CHD7: variants seen among roughly 807,000 people sequenced by gnomAD.
The protein encoded by CHD7 is ATP-dependent chromatin remodeler CHD7.
A neutral mutation model predicts 307.3 loss-of-function variants in CHD7; 24 were observed. The observed-to-expected ratio is 0.08, with a 90% CI of 0.06 to 0.11. The LOEUF (loss-of-function observed/expected upper bound fraction) is 0.11. Among genes scored for constraint, CHD7 ranks in the 10% least tolerant of loss-of-function variants. The pLI is 1.00. For missense variants in CHD7, 3,106 were observed against 3,727.1 expected, an observed-to-expected ratio of 0.83 and a Z score of 4.34; for synonymous variants, 1,363 against 1,349.9, an observed-to-expected ratio of 1.01 and a Z score of -0.21.
At chr8:60,759,140 G>C (rs1175323325) in intron 2 of CHD7, among the ~76,000 whole-genome samples, 2 of 151,740 alleles carry the variant, frequency 1.3e-5, no homozygotes, top group Non-Finnish European at 2.9e-5. Context: ...CTGGTTTAAA[G>C]GGAAGTTACA....
chr8:60,843,332 C>G (rs537081711), intron 21 of CHD7, among the ~76,000 whole-genome samples: 1 of 152,340 alleles, frequency 6.6e-6, no homozygotes, highest in South Asian at 2.1e-4. Context: ...CCTTTGCTAC[C>G]CATGCCTGCT....
chr8:60,683,844 G>T (rs1363069693), intron 1 of CHD7, among the ~76,000 whole-genome samples: 1 of 151,830 alleles, frequency 6.6e-6, no homozygotes, highest in African/African-American at 2.4e-5. Flanking sequence ...GAATCCTACA[G>T]CATAGGACAA....
chr8:60,792,442 T>G (rs1165733402), intron 3 of CHD7, among the ~76,000 whole-genome samples: 1 of 152,168 alleles, frequency 6.6e-6, no homozygotes, highest in African/African-American at 2.4e-5. Flanking sequence ...TGTATATTGA[T>G]GGATGGAAAT....
chr8:60,827,443 A>T (rs1369073851), intron 13 of CHD7, among the ~76,000 whole-genome samples: 4 of 152,164 alleles, frequency 2.6e-5, no homozygotes, highest in Admixed American at 2.0e-4. Context: ...CTCTTTCCTG[A>T]ATATGTGATG....
intron 2 of CHD7, among the ~76,000 whole-genome samples, chr8:60,753,035 A>G (rs1485835589): frequency 6.6e-6 from 1 of 152,242 alleles, no homozygotes; most frequent in Non-Finnish European, 1.5e-5. Context: ...TTACTAAGCT[A>G]ACTCCATTTT....
At chr8:60,740,994 G>A (rs1808970603) in intron 1 of CHD7, among the ~76,000 whole-genome samples, 1 of 152,222 alleles carries the variant, frequency 6.6e-6, no homozygotes, top group South Asian at 2.1e-4. Context: ...GGAACGCTAG[G>A]AAGTGTAGTG....
chr8:60,714,164 C>T (rs996899684), intron 1 of CHD7, among the ~76,000 whole-genome samples: 5 of 151,856 alleles, frequency 3.3e-5, no homozygotes, highest in Non-Finnish European at 7.4e-5. Flanking sequence ...GACATGAGGA[C>T]GGCGAGCGGG....
chr8:60,829,176 C>T (rs1804387913), intron 14 of CHD7, among the ~76,000 whole-genome samples: 1 of 152,224 alleles, frequency 6.6e-6, no homozygotes, highest in African/African-American at 2.4e-5. Flanking sequence ...TTTTGAGTCT[C>T]TGTTCTTTGT....
chr8:60,694,692 G>A (rs190902385), intron 1 of CHD7, among the ~76,000 whole-genome samples: 3 of 152,294 alleles, frequency 2.0e-5, no homozygotes, highest in Admixed American at 2.0e-4. Context: ...TGGCCCCCAG[G>A]GAGAGCAACA....
chr8:60,731,206 G>A (rs1027762041), intron 1 of CHD7, among the ~76,000 whole-genome samples: 1 of 83,856 alleles, frequency 1.2e-5, no homozygotes, highest in African/African-American at 4.9e-5. Context: ...TAAATGAAAA[G>A]GTAAAAGCTC....
At position 60,853,308 on chromosome 8, in the gene CHD7, G is replaced by C. The variant is rs778997142; in HGVS notation, c.6583G>C (p.Glu2195Gln). 1 of 1,604,952 alleles carries C rather than the reference G, an allele frequency of 6.2e-7. No homozygotes were observed. ...ATGTGAGGGCAAAGAAGAGGAAGAA[G>C]AAACCGATGGCAGCGGGAAGGAGAG... ...EKCEGKEEEE[E>Q]TDGSGKESKQ... Residue 2195 changes from glutamate to glutamine, a missense_variant, in exon 31 of 38, where the codon GAA becomes CAA. Glu to Gln is a conservative substitution (Grantham distance 29). Coordinates refer to ENST00000423902, the MANE Select transcript of CHD7 (RefSeq NM_017780.4).
In CHD7 at chr8:60,825,704, G is replaced by T. The variant is rs549327556; in HGVS notation, c.3378+1688G>T. Among the ~76,000 whole-genome samples the T allele has an allele frequency of 3.9e-5, 6 of 152,316 alleles. No homozygotes were observed. The South Asian group carries it at 1.2e-3, about 32-fold the overall frequency. ...TTCCTGAAGGCTTAAACAGTCATCT[G>T]ACTGAACTTATCTGAGTTGTGTTCT... On this transcript the variant is annotated intron_variant, in intron 13 of 37. Coordinates refer to ENST00000423902, the MANE Select transcript of CHD7 (RefSeq NM_017780.4).
At chr8:60,803,231 G>A (rs964567483) in intron 6 of CHD7, among the ~76,000 whole-genome samples, 2 of 152,156 alleles carry the variant, frequency 1.3e-5, no homozygotes. Flanking sequence ...TGAGTAAATA[G>A]CATGTCGTTT....
rs1173281816 is a variant in CHD7, at chr8:60,781,330, A to G, written c.1996A>G (p.Lys666Glu). ...PKEPKEKKEP[K>E]EPKTPKAPKI... is the part of the protein sequence containing the mutation. ...AGAACCCAAGGAGAAAAAAGAGCCC[A>G]AGGAACCCAAGACCCCGAAAGCCCC... Residue 666 changes from lysine (K) to glutamate (E), a missense_variant, in exon 3 of 38, where the codon AAG becomes GAG. Around this residue, in one of 10 missense-constraint regions of CHD7, gnomAD observed 998 missense variants for 1,004.5 expected, o/e 0.99. Coordinates refer to ENST00000423902, the MANE Select transcript of CHD7 (RefSeq NM_017780.4). The G allele has an allele frequency of 6.4e-7, 1 of 1,573,392 alleles. No individual in the cohort carries two copies. Among genetic ancestry groups the G allele is most frequent in the Non-Finnish European group, 8.6e-7 (1 of 1,160,868 alleles).
At position 60,853,092 on chromosome 8, in the gene CHD7, T is replaced by A; in HGVS notation, c.6367T>A (p.Ser2123Thr). The A allele has an allele frequency of 6.2e-7, 1 of 1,613,990 alleles. No individual in the cohort carries two copies. The highest frequency in any genetic ancestry group is 1.3e-5 in the African/African-American group (1 of 75,046). ...DYHILNDPEL[S>T]FLDAHKNFAQ... ...TCACATCCTCAATGACCCTGAGTTA[T>A]CCTTCTTGGATGCACATAAAAACTT... Residue 2123 changes from serine to threonine, a missense_variant, in exon 31 of 38, where the codon TCC becomes ACC. This residue lies in a region of CHD7 where 1,030 missense variants were observed against 1,165.4 expected (regional missense o/e 0.88). Transcript: ENST00000423902.
chr8:60,834,902 C>A (rs1465125952), intron 15 of CHD7, among the ~76,000 whole-genome samples: 1 of 152,134 alleles, frequency 6.6e-6, no homozygotes, highest in Non-Finnish European at 1.5e-5. Flanking sequence ...TCCCACTGAC[C>A]CAACCTTTAA....
chr8:60,836,825 A>G lies in CHD7; in HGVS notation c.3998A>G (p.Tyr1333Cys), dbSNP rs1563644012. 3.1e-6 allele frequency: 5 copies of G among 1,613,708 alleles called. No homozygotes were observed. The highest frequency in any genetic ancestry group is 4.2e-6 in the Non-Finnish European group (5 of 1,179,688). ...ACACTGATGTTTTCTAGGTACCCAT[A>G]TGAAAGGATCGACGGCCGAGTAAGA... ...EDYLIQRRYP[Y>C]ERIDGRVRGN... Residue 1333 changes from tyrosine (Y) to cysteine (C), a missense_variant, in exon 17 of 38, where the codon TAT (tyrosine) becomes TGT (cysteine). Tyr to Cys is a radical substitution (Grantham distance 194, BLOSUM62 -2). Around this residue, in one of 10 missense-constraint regions of CHD7, gnomAD observed 232 missense variants for 422.5 expected, o/e 0.55. Coordinates refer to ENST00000423902, the MANE Select transcript of CHD7 (RefSeq NM_017780.4).
intron 1 of CHD7, among the ~76,000 whole-genome samples, chr8:60,686,023 A>G (rs1805870769): frequency 6.6e-6 from 1 of 152,102 alleles, no homozygotes; most frequent in African/African-American, 2.4e-5. Context: ...AGTGTCTTTA[A>G]TTAGGGGTCT....
intron 1 of CHD7, among the ~76,000 whole-genome samples, chr8:60,680,819 A>T (rs760888491): frequency 6.6e-6 from 1 of 152,372 alleles, no homozygotes; most frequent in Non-Finnish European, 1.5e-5. Flanking sequence ...CTTGCTAAGT[A>T]TACTTTTTAG....
Sources: allele counts gnomAD v4.1 joint callset (sites outside exome capture counted in the v4.1 genomes callset), GRCh38; gene constraint gnomAD v4.1.1; regional missense constraint gnomAD v4.1.1; transcripts MANE v1.5; gene names NCBI Gene and HGNC (gene_info 2026-07-23, HGNC 2026-07-21).